Variants in RTN1 observed in about 807,000 individuals in gnomAD.
The protein encoded by RTN1 is reticulon-1.
RTN1 carries 25 observed loss-of-function variants against 65.5 expected under a neutral mutation model. The observed-to-expected ratio is 0.38, with a 90% confidence interval of 0.28 to 0.53. The LOEUF (loss-of-function observed/expected upper bound fraction) is 0.53, where lower values mean the gene tolerates loss of function less well. Among genes scored for constraint, RTN1 ranks in the 20% least tolerant of loss-of-function variants. The pLI, the probability that RTN1 is intolerant of heterozygous loss-of-function variation, is 0.79. For missense variants in RTN1, 983 were observed against 1,025.4 expected, an observed-to-expected ratio of 0.96 and a Z score of 0.57; for synonymous variants, 471 against 447.6, an observed-to-expected ratio of 1.05 and a Z score of -0.66.
chr14:59,654,764 GACA>G (rs1202865765), intron 3 of RTN1, among the ~76,000 whole-genome samples: 1 of 152,004 alleles, frequency 6.6e-6, no homozygotes, highest in Non-Finnish European at 1.5e-5. Context: ...TGTTAAAAAC[GACA>G]ACAAGAACAA....
chr14:59,726,767 A>C (rs548257386), intron 3 of RTN1, 152 bp downstream of exon 3: 97 of 696,902 alleles, frequency 1.4e-4, no homozygotes, highest in Non-Finnish European at 2.0e-4. Context: ...GAATTCTCTC[A>C]TCTCCTCCCA....
At chr14:59,710,980 G>A (rs1365135440) in intron 3 of RTN1, among the ~76,000 whole-genome samples, 3 of 152,186 alleles carry the variant, frequency 2.0e-5, no homozygotes, top group African/African-American at 7.2e-5. Flanking sequence ...TTTTATAGAT[G>A]AGGCTTGGGA....
chr14:59,770,488 C>A (rs1442970419), intron 1 of RTN1, among the ~76,000 whole-genome samples: 4 of 151,148 alleles, frequency 2.6e-5, no homozygotes, highest in Admixed American at 2.6e-4. Flanking sequence ...ATCAGATTTG[C>A]AGTAAGGCCA....
chr14:59,725,078 G>C (rs1260120366), intron 3 of RTN1, among the ~76,000 whole-genome samples: 1 of 152,146 alleles, frequency 6.6e-6, no homozygotes. Context: ...GCCATATGGG[G>C]CAACTTGTAC....
At chr14:59,686,838 G>A (rs1012797759) in intron 3 of RTN1, among the ~76,000 whole-genome samples, 1 of 152,182 alleles carries the variant, frequency 6.6e-6, no homozygotes, top group Non-Finnish European at 1.5e-5. Flanking sequence ...GACATTTTCT[G>A]AGGCCTGGAA....
At chr14:59,869,858 G>A (rs1421486957) in intron 1 of RTN1, among the ~76,000 whole-genome samples, 2 of 152,190 alleles carry the variant, frequency 1.3e-5, no homozygotes, top group Non-Finnish European at 2.9e-5. Context: ...GGGGGAGTAA[G>A]GTGTGGTGGC....
At position 59,843,125 on chromosome 14, in the gene RTN1, A is replaced by G. The variant is rs74329872; in HGVS notation, c.241+27265T>C. On this transcript the variant is annotated intron_variant, in intron 1 of 8. Coordinates refer to ENST00000267484, the MANE Select transcript of RTN1 (RefSeq NM_021136.3). ...GATAAACAAATTATGATATATTTCT[A>G]TTGTAGAATATTGCACAGTAATTTT... is the stretch of plus-strand genomic sequence containing the variant. Among the ~76,000 whole-genome samples the G allele has an allele frequency of 2.9e-3, 446 of 152,370 alleles. 3 individuals carry two copies. Among genetic ancestry groups the G allele is most frequent in the Non-Finnish European group, 4.7e-3 (321 of 68,036 alleles).
intron 1 of RTN1, among the ~76,000 whole-genome samples, chr14:59,751,257 A>G (rs1294709840): frequency 2.2e-5 from 3 of 137,032 alleles, no homozygotes; most frequent in African/African-American, 8.5e-5. Context: ...AAAAAATCTC[A>G]GTAACAAAAG....
intron 1 of RTN1, among the ~76,000 whole-genome samples, chr14:59,813,888 C>G (rs1344648697): frequency 6.6e-6 from 1 of 151,674 alleles, no homozygotes; most frequent in Non-Finnish European, 1.5e-5. Context: ...TTTTTTTTTA[C>G]TGATAGACGT....
chr14:59,856,069 C>G (rs1360889348), intron 1 of RTN1, among the ~76,000 whole-genome samples: 1 of 152,090 alleles, frequency 6.6e-6, no homozygotes, highest in African/African-American at 2.4e-5. Flanking sequence ...CAGTATCCAG[C>G]CTGAGATATA....
intron 3 of RTN1, among the ~76,000 whole-genome samples, chr14:59,677,710 CATT>C (rs1264187810): frequency 6.6e-6 from 1 of 152,090 alleles, no homozygotes; most frequent in Non-Finnish European, 1.5e-5. Flanking sequence ...AATGGAAAAC[CATT>C]GTACGTTGGC....
intron 3 of RTN1, among the ~76,000 whole-genome samples, chr14:59,708,886 T>C (rs1191484779): frequency 6.6e-6 from 1 of 152,222 alleles, no homozygotes; most frequent in Non-Finnish European, 1.5e-5. Context: ...AAAATCCATC[T>C]GATCATCGCA....
chr14:59,748,505 C>A (rs1195629926), intron 1 of RTN1, among the ~76,000 whole-genome samples: 1 of 152,110 alleles, frequency 6.6e-6, no homozygotes, highest in Non-Finnish European at 1.5e-5. Flanking sequence ...CCCTCCATCT[C>A]AAATTGCAAC....
intron 3 of RTN1, among the ~76,000 whole-genome samples, chr14:59,660,176 A>C (rs1883214566): frequency 6.6e-6 from 1 of 152,236 alleles, no homozygotes; most frequent in Non-Finnish European, 1.5e-5. Context: ...GATCAATGCA[A>C]CAAGAAGAGC....
intron 3 of RTN1, among the ~76,000 whole-genome samples, chr14:59,722,367 C>G (rs1202744337): frequency 6.6e-6 from 1 of 152,134 alleles, no homozygotes; most frequent in African/African-American, 2.4e-5. Flanking sequence ...AAAGCAGTGC[C>G]TGAAAACCTG....
chr14:59,837,312 T>G (rs148610411), intron 1 of RTN1, among the ~76,000 whole-genome samples: 8 of 151,956 alleles, frequency 5.3e-5, no homozygotes, highest in African/African-American at 1.9e-4. Context: ...AACTCAAAAT[T>G]GATTAAATGA....
At chr14:59,861,500 T>G (rs1369577801) in intron 1 of RTN1, among the ~76,000 whole-genome samples, 1 of 152,198 alleles carries the variant, frequency 6.6e-6, no homozygotes, top group Non-Finnish European at 1.5e-5. Context: ...AATAACAATG[T>G]CAAGTTAGGG....
chr14:59,617,768 AT>A (rs1438588049), intron 3 of RTN1, among the ~76,000 whole-genome samples: 1 of 152,226 alleles, frequency 6.6e-6, no homozygotes, highest in African/African-American at 2.4e-5. Context: ...TAGTAAAACT[AT>A]AAATAAGAGT....
chr14:59,784,404 A>G (rs1315608316), intron 1 of RTN1, among the ~76,000 whole-genome samples: 2 of 151,580 alleles, frequency 1.3e-5, no homozygotes, highest in East Asian at 3.9e-4. Flanking sequence ...TCGTGCCATT[A>G]CACTCCAGCC....
Sources: allele counts gnomAD v4.1 joint callset (sites outside exome capture counted in the v4.1 genomes callset), GRCh38; gene constraint gnomAD v4.1.1; transcripts MANE v1.5; gene names NCBI Gene and HGNC (gene_info 2026-07-23, HGNC 2026-07-21).